AGBL4: variants seen among roughly 807,000 people sequenced by gnomAD.
AGBL4 encodes the protein AGBL carboxypeptidase 4, also known as cytosolic carboxypeptidase 6.
In AGBL4, 58 loss-of-function variants were observed where a neutral mutation model predicts 66.4. The observed-to-expected ratio is 0.87, with a 90% CI of 0.71 to 1.09. AGBL4 has a LOEUF of 1.09. Among genes scored for constraint, AGBL4 ranks in the 50% least tolerant of loss-of-function variants. AGBL4 has a pLI of 0.00. For missense variants in AGBL4, 579 were observed against 631.0 expected (o/e 0.92, Z 0.88); for synonymous variants, 234 against 222.9 (o/e 1.05, Z -0.44).
intron 1 of AGBL4, among the ~76,000 whole-genome samples, chr1:49,858,831 C>A (rs952180524): frequency 2.0e-5 from 3 of 152,088 alleles, no homozygotes; most frequent in Non-Finnish European, 4.4e-5. Context: ...GCCTGGCCAA[C>A]ATGACAAAAC....
At chr1:49,019,850 TA>T in intron 5 of AGBL4, among the ~76,000 whole-genome samples, 1 of 152,356 alleles carries the variant, frequency 6.6e-6, no homozygotes, top group East Asian at 1.9e-4. Context: ...TGTGTGATTT[TA>T]GGCAAGTTAT....
chr1:49,125,788 CTAAT>C (rs1391443488), intron 4 of AGBL4, among the ~76,000 whole-genome samples: 1 of 152,114 alleles, frequency 6.6e-6, no homozygotes, highest in East Asian at 1.9e-4. Context: ...CATCCAGATA[CTAAT>C]TAGAGTTTGA....
At chr1:49,430,743 A>G (rs1645768196) in intron 3 of AGBL4, among the ~76,000 whole-genome samples, 1 of 152,354 alleles carries the variant, frequency 6.6e-6, no homozygotes, top group African/African-American at 2.4e-5. Context: ...TCAGATCCAA[A>G]GCCAGAATAT....
chr1:49,900,175 C>G (rs1557561407), intron 1 of AGBL4, among the ~76,000 whole-genome samples: 1 of 152,172 alleles, frequency 6.6e-6, no homozygotes, highest in African/African-American at 2.4e-5. Context: ...TTGCTTCTAA[C>G]TGTAGAAGCT....
intron 11 of AGBL4, among the ~76,000 whole-genome samples, chr1:48,578,067 G>A (rs1213210867): frequency 6.6e-6 from 1 of 152,048 alleles, no homozygotes; most frequent in Non-Finnish European, 1.5e-5. Flanking sequence ...GTGAAATGGA[G>A]ATACTATCTC....
At chr1:49,331,603 G>T (rs866462782) in intron 3 of AGBL4, among the ~76,000 whole-genome samples, 1 of 152,198 alleles carries the variant, frequency 6.6e-6, no homozygotes, top group Non-Finnish European at 1.5e-5. Context: ...GGGCCTCCCA[G>T]CCTGGCCTCC....
At chr1:49,703,095 T>C (rs1427263192) in intron 2 of AGBL4, among the ~76,000 whole-genome samples, 1 of 151,556 alleles carries the variant, frequency 6.6e-6, no homozygotes, top group Non-Finnish European at 1.5e-5. Context: ...GAAGGACAAG[T>C]ATGCCAGAAA....
At chr1:48,867,762 A>G (rs1368389860) in intron 5 of AGBL4, among the ~76,000 whole-genome samples, 1 of 152,186 alleles carries the variant, frequency 6.6e-6, no homozygotes, top group Non-Finnish European at 1.5e-5. Context: ...AACAATTTCA[A>G]TTAGTGATGA....
chr1:48,961,463 C>T (rs554446412), intron 5 of AGBL4, among the ~76,000 whole-genome samples: 5 of 152,260 alleles, frequency 3.3e-5, no homozygotes, highest in African/African-American at 7.2e-5. Flanking sequence ...GCAGAAAGAC[C>T]GTTACACTCC....
intron 4 of AGBL4, among the ~76,000 whole-genome samples, chr1:49,182,030 G>A (rs1046310752): frequency 2.6e-5 from 4 of 152,174 alleles, no homozygotes; most frequent in African/African-American, 7.2e-5. Context: ...TGAGGCATAC[G>A]ACTAACTGCT....
rs539337897 is a variant in AGBL4, at chr1:49,948,096, ATG to A, written c.34+75665_34+75666del. On this transcript the variant is annotated intron_variant, in intron 1 of 13. Transcript: ENST00000371839. ...TGTAAATATATGTAAATATATGTAT[ATG>A]TATATATATGTAAATGTATGTAAAT... is the stretch of plus-strand genomic sequence containing the variant. Among the ~76,000 whole-genome samples, 9 of 87,826 alleles carry A rather than the reference ATG, an allele frequency of 1.0e-4. No homozygotes were observed. The Admixed American group carries it at 1.1e-3, about 11-fold the overall frequency. The allele number at this position is 87,826 out of a possible 152,430, so 57.6% of individuals were successfully genotyped here.
chr1:49,940,986 T>C (rs1309539455), intron 1 of AGBL4, among the ~76,000 whole-genome samples: 2 of 151,950 alleles, frequency 1.3e-5, no homozygotes, highest in African/African-American at 4.8e-5. Flanking sequence ...AGAGCAGACA[T>C]TACAACTGAC....
intron 1 of AGBL4, among the ~76,000 whole-genome samples, chr1:49,963,215 G>A (rs747871900): frequency 1.3e-5 from 2 of 152,146 alleles, no homozygotes; most frequent in Non-Finnish European, 2.9e-5. Context: ...CAGAGAAGGA[G>A]AATCCAAAGT....
chr1:49,471,039 G>T (rs942747048), intron 3 of AGBL4, among the ~76,000 whole-genome samples: 1 of 152,090 alleles, frequency 6.6e-6, no homozygotes, highest in African/African-American at 2.4e-5. Flanking sequence ...TGTAAGAAAT[G>T]CTCACCTATA....
At chr1:49,152,787 TG>T (rs1317592969) in intron 4 of AGBL4, among the ~76,000 whole-genome samples, 8 of 152,198 alleles carry the variant, frequency 5.3e-5, no homozygotes, top group African/African-American at 1.9e-4. Context: ...AGAAGCTACC[TG>T]GGAAAACAAG....
intron 5 of AGBL4, among the ~76,000 whole-genome samples, chr1:48,901,328 T>C (rs976432369): frequency 3.3e-5 from 5 of 152,226 alleles, no homozygotes; most frequent in East Asian, 3.8e-4. Flanking sequence ...AAATATTATA[T>C]GTAAACTATC....
At chr1:49,826,751 A>G (rs1217154717) in intron 2 of AGBL4, among the ~76,000 whole-genome samples, 3 of 152,204 alleles carry the variant, frequency 2.0e-5, no homozygotes, top group African/African-American at 7.2e-5. Context: ...TTATCCATGG[A>G]TGTTTTGTGC....
At chr1:48,920,235 A>G (rs767499536) in intron 5 of AGBL4, among the ~76,000 whole-genome samples, 2 of 152,198 alleles carry the variant, frequency 1.3e-5, no homozygotes, top group African/African-American at 4.8e-5. Context: ...CCCTTTCCCT[A>G]CTGAACTTTG....
At chr1:49,237,513 TA>T (rs753272795) in intron 4 of AGBL4, among the ~76,000 whole-genome samples, 126,126 of 135,604 alleles carry the variant, frequency 0.93, 58,330 homozygotes, top group South Asian at 0.96. Context: ...AATATTACAT[TA>T]TATATATATA....
Sources: allele counts gnomAD v4.1 joint callset (sites outside exome capture counted in the v4.1 genomes callset), GRCh38; gene constraint gnomAD v4.1.1; transcripts MANE v1.5; gene names NCBI Gene and HGNC (gene_info 2026-07-23, HGNC 2026-07-21).